IFI30: variants seen among roughly 807,000 people sequenced by gnomAD.
IFI30 encodes IFI30 lysosomal thiol reductase, also known as gamma-interferon-inducible lysosomal thiol reductase.
In IFI30, 26 loss-of-function variants were observed where a neutral mutation model predicts 30.1. That is an observed-to-expected ratio of 0.87 (90% CI 0.63 to 1.20). IFI30 has a LOEUF of 1.20. IFI30 is among the 50% of genes most tolerant of loss of function. The pLI is 0.00. For synonymous variants in IFI30, 149 were observed against 134.5 expected, an observed-to-expected ratio of 1.11 and a Z score of -0.75; for missense variants, 296 against 312.5, an observed-to-expected ratio of 0.95 and a Z score of 0.40.
chr19:18,175,747 C>A (rs1967263126), intron 4 of IFI30, 50 bp downstream of exon 4: 2 of 1,438,328 alleles, frequency 1.4e-6, no homozygotes, highest in South Asian at 1.2e-5. Flanking sequence ...GGGTGGTAAC[C>A]TTCCCTGCAT....
intron 5 of IFI30, 127 bp from the exon 6 acceptor site, chr19:18,177,584 A>T: frequency 9.1e-7 from 1 of 1,099,208 alleles, no homozygotes; most frequent in Non-Finnish European, 1.4e-6. Context: ...AAGATGTGCC[A>T]CTGATTTGCG....
rs1228182193 is a variant in IFI30 at position 18,177,293 on chromosome 19, GT to G, written c.636+2del. 5.1e-6 allele frequency: 8 copies of G among 1,579,392 alleles called. No homozygotes were observed. The Admixed American group carries it at 7.3e-5, about 14-fold the overall frequency. ...TGTGCCCTGGGTCACCGTCAATGGG[GT>G]AAGAATCTTTTTAGCCCTCAGCTTG... On this transcript the variant is annotated splice_donor_variant, in intron 5 of 6. Coordinates refer to ENST00000407280, the MANE Select transcript of IFI30 (RefSeq NM_006332.5). LOFTEE classifies it high-confidence loss of function.
Position 18,174,046 on chromosome 19 carries a change from C to A in IFI30, c.132+73C>A, listed in dbSNP as rs918769229. 44 of 1,399,850 alleles carry A rather than the reference C, an allele frequency of 3.1e-5. 1 individual carries two copies. In the South Asian group the frequency reaches 5.6e-4, roughly 18 times the overall value. 86.7% of individuals were successfully genotyped at this position (1,399,850 alleles called of 1,614,324 possible). On this transcript the variant is annotated intron_variant, in intron 1 of 6. Transcript: ENST00000407280. ...TCGGGGCACGCGGCTCCTTCTTTCTCCCCAGACTTCACAGGGGAAGACCAG... is the reference window on the plus strand; with the variant it reads ...TCGGGGCACGCGGCTCCTTCTTTCTACCCAGACTTCACAGGGGAAGACCAG...
Position 18,177,719 on chromosome 19 carries a change from G to C in IFI30, c.645G>C (p.Leu215Phe). 6.2e-7 allele frequency: 1 copy of C among 1,613,816 alleles called. No individual in the cohort carries two copies. The highest frequency in any genetic ancestry group is 8.5e-7 in the Non-Finnish European group (1 of 1,179,842). ...VPWVTVNGKPLEDQTQLLTLV... is the reference protein window; with the variant it reads ...VPWVTVNGKPFEDQTQLLTLV... ...TGTCTTGCTTTGTGCAGAAACCCTT[G>C]GAAGATCAGACCCAGCTCCTTACCC... Residue 215 changes from leucine to phenylalanine, a missense_variant, in exon 6 of 7, where the codon TTG (leucine) becomes TTC (phenylalanine). Transcript: ENST00000407280.
chr19:18,174,907 TG>T, intron 1 of IFI30, 132 bp from the exon 2 acceptor site: 1 of 649,606 alleles, frequency 1.5e-6, no homozygotes, highest in Non-Finnish European at 2.6e-6. Flanking sequence ...AGATTCCACC[TG>T]GCAAGTTCTG....
chr19:18,177,582 C>T (rs756671692), intron 5 of IFI30, 129 bp from the exon 6 acceptor site: 111 of 1,079,318 alleles, frequency 1.0e-4, no homozygotes, highest in Admixed American at 2.2e-4. Context: ...GAAAGATGTG[C>T]CACTGATTTG....
intron 4 of IFI30, 142 bp downstream of exon 4, chr19:18,175,839 A>T (rs1047333383): frequency 1.4e-5 from 8 of 585,684 alleles, no homozygotes; most frequent in African/African-American, 5.6e-5. Flanking sequence ...TCTTTATTTT[A>T]TTTATTTTTT....
intron 1 of IFI30, chr19:18,174,355 G>A (rs574981089): frequency 5.4e-6 from 1 of 186,848 alleles, no homozygotes; most frequent in African/African-American, 2.4e-5. Flanking sequence ...ATTCATTCCA[G>A]CCAGGGCAGG....
Position 18,175,715 on chromosome 19 carries a change from C to G in IFI30, c.483+18C>G. 6.3e-7 allele frequency: 1 copy of G among 1,579,472 alleles called. No homozygotes were observed. The highest frequency in any genetic ancestry group is 8.6e-7 in the Non-Finnish European group (1 of 1,158,394). On this transcript the variant is annotated intron_variant, in intron 4 of 6. Transcript: ENST00000407280. ...TGCCACTAGTGAGTGACGCCCCTCA[C>G]TCCACCCAAGGAGGGGGACATGGGT... is the stretch of plus-strand genomic sequence containing the variant.
chr19:18,173,949 G>T lies in IFI30; in HGVS notation c.108G>T (p.Gly36=), dbSNP rs1269413878. ...CTCTGCAAGCGTTAGACTTCTTTGG[G>T]AATGGGCCACCAGTTAACTACAAGG... is the stretch of plus-strand genomic sequence containing the variant. ...ASPLQALDFF[G]NGPPVNYKTG... The change falls in exon 1 of 7, where the codon GGG becomes GGT. Residue 36 remains glycine (G), a synonymous_variant. Transcript: ENST00000407280. The T allele has an allele frequency of 6.4e-7, 1 of 1,551,464 alleles. No homozygotes were observed. Among genetic ancestry groups the T allele is most frequent in the Admixed American group, 2.0e-5 (1 of 51,030 alleles).
chr19:18,175,102 C>T lies in IFI30; in HGVS notation c.195C>T (p.Thr65=). ...CCAATGCACCGCTTGTCAATGTGAC[C>T]CTCTACTATGAAGCACTGTGCGGTG... ...KKSNAPLVNV[T]LYYEALCGGC... The change falls in exon 2 of 7, where the codon ACC becomes ACT. Residue 65 remains threonine (T), a synonymous_variant. Coordinates refer to ENST00000407280, the MANE Select transcript of IFI30 (RefSeq NM_006332.5). 6.2e-7 allele frequency: 1 copy of T among 1,613,698 alleles called. No individual in the cohort carries two copies. Among genetic ancestry groups the T allele is most frequent in the Non-Finnish European group, 8.5e-7 (1 of 1,179,786 alleles).
Position 18,175,133 on chromosome 19 carries a change from C to T in IFI30, c.226C>T (p.Arg76Ter), listed in dbSNP as rs767605458. 8.1e-6 allele frequency: 13 copies of T among 1,612,536 alleles called. No homozygotes were observed. The highest frequency in any genetic ancestry group is 1.1e-5 in the Non-Finnish European group (13 of 1,179,356). ...CTATGAAGCACTGTGCGGTGGCTGC[C>T]GAGCCTTCCTGATCCGGGAGCTCTT... ...LYYEALCGGC[R>*]AFLIRELFPT... The change falls in exon 2 of 7, where the codon CGA (arginine) becomes TGA (stop). Residue 76 changes from arginine to a stop codon, truncating the protein, a stop_gained. Transcript: ENST00000407280. LOFTEE classifies it high-confidence loss of function.
At chr19:18,176,457 C>T (rs1175225280) in intron 4 of IFI30, among the ~76,000 whole-genome samples, 1 of 152,098 alleles carries the variant, frequency 6.6e-6, no homozygotes, top group Non-Finnish European at 1.5e-5. Context: ...CCCAGCCTCC[C>T]CTCTTGAAGC....
chr19:18,177,916 C>T lies in IFI30; in HGVS notation c.*5C>T, dbSNP rs868346112. The T allele has an allele frequency of 6.3e-6, 10 of 1,581,318 alleles. No homozygotes were observed. Among genetic ancestry groups the T allele is most frequent in the Middle Eastern group, 3.6e-4 (2 of 5,550 alleles). On this transcript the variant is annotated 3_prime_UTR_variant, in exon 7 of 7. Transcript: ENST00000407280. ...AGGAGTGTTTGCTTCAAGTGATGGC[C>T]GGTGAGCTGCGGAGAGCTCATGGAA...
chr19:18,177,662 G>T (rs1164999650), intron 5 of IFI30, 49 bp from the exon 6 acceptor site: 4 of 1,605,108 alleles, frequency 2.5e-6, no homozygotes, highest in Non-Finnish European at 2.6e-6. Flanking sequence ...AGGGTGCATG[G>T]GTTGGGGTAG....
Position 18,175,541 on chromosome 19 carries a change from G to A in IFI30, c.391-64G>A, listed in dbSNP as rs1235854722. 38 of 1,471,516 alleles carry A rather than the reference G, an allele frequency of 2.6e-5. No homozygotes were observed. The Middle Eastern group carries it at 8.8e-4, about 34-fold the overall frequency. The allele number at this position is 1,471,516 out of a possible 1,614,324, so 91.2% of individuals were successfully genotyped here. ...CTGGGTGGGTACTGGTGATTATTAC[G>A]AGAGGGTGTCAGGGTACCCTAGGCC... On this transcript the variant is annotated intron_variant, in intron 3 of 6. Transcript: ENST00000407280.
intron 4 of IFI30, among the ~76,000 whole-genome samples, chr19:18,176,300 G>A (rs1967269605): frequency 6.6e-6 from 1 of 151,786 alleles, no homozygotes; most frequent in Admixed American, 6.6e-5. Flanking sequence ...GACTACAGGT[G>A]TGCACCACCA....
At chr19:18,177,650 C>T (rs928955252) in intron 5 of IFI30, 61 bp from the exon 6 acceptor site, 14 of 1,587,972 alleles carry the variant, frequency 8.8e-6, no homozygotes, top group Non-Finnish European at 4.3e-6. Flanking sequence ...TGGGCTGGAA[C>T]CAGGGTGCAT....
At chr19:18,174,850 G>T (rs566364828) in intron 1 of IFI30, 190 bp from the exon 2 acceptor site, 359 of 551,978 alleles carry the variant, frequency 6.5e-4, no homozygotes, top group Non-Finnish European at 5.2e-4. Context: ...CCAGCCTAGC[G>T]ACAGTGAGAC....
Sources: gnomAD v4.1 joint callset for allele counts (sites outside exome capture counted in the v4.1 genomes callset) on GRCh38, gnomAD v4.1.1 for gene constraint, MANE v1.5 for transcripts, NCBI Gene and HGNC (gene_info 2026-07-23, HGNC 2026-07-21) for gene names.